CCDC171: variants seen among roughly 807,000 people sequenced by gnomAD.
CCDC171 encodes the protein coiled-coil domain containing 171, also known as coiled-coil domain-containing protein 171.
In CCDC171, 177 loss-of-function variants were observed where a neutral mutation model predicts 168.2. The ratio of observed to expected loss-of-function variants is 1.05; its 90% CI spans 0.93 to 1.19. CCDC171 has a LOEUF of 1.19. Among genes scored for constraint, CCDC171 ranks in the 50% most tolerant of loss-of-function variants. The probability of loss-of-function intolerance (pLI) is 0.00; values close to 1 mark genes in which losing one functional copy is unlikely to be tolerated. For missense variants in CCDC171, 1,991 were observed against 1,539.0 expected (o/e 1.29, Z -4.91); for synonymous variants, 687 against 540.8 (o/e 1.27, Z -3.75).
At chr9:16,023,299 G>A (rs1833211450) in intron 6 of CCDC171, among the ~76,000 whole-genome samples, 1 of 152,102 alleles carries the variant, frequency 6.6e-6, no homozygotes, top group Non-Finnish European at 1.5e-5. Context: ...AAATTTATCT[G>A]ACTTTGACTA....
chr9:15,758,970 G>A (rs947428152), intron 18 of CCDC171, among the ~76,000 whole-genome samples: 2 of 152,138 alleles, frequency 1.3e-5, no homozygotes, highest in Non-Finnish European at 2.9e-5. Flanking sequence ...TCAGCAGTGT[G>A]AAAACAGACT....
At chr9:15,812,565 AG>A (rs1031246280) in intron 21 of CCDC171, among the ~76,000 whole-genome samples, 10 of 152,340 alleles carry the variant, frequency 6.6e-5, no homozygotes, top group African/African-American at 2.2e-4. Flanking sequence ...GGCCACAAAA[AG>A]TTACTGTCCT....
the CCDC171 span, among the ~76,000 whole-genome samples, chr9:16,068,129 G>T: frequency 2.1e-5 from 3 of 143,526 alleles, no homozygotes; most frequent in Non-Finnish European, 3.0e-5. Flanking sequence ...CAAAATCAAT[G>T]TACAAAAATC....
At chr9:16,044,482 G>GA (rs33969500) in intron 1 of CCDC171, among the ~76,000 whole-genome samples, 60,548 of 146,080 alleles carry the variant, frequency 0.41, 13,753 homozygotes, top group East Asian at 0.74. Context: ...AACCACAGGA[G>GA]AAAAAAAAAG....
intron 9 of CCDC171, among the ~76,000 whole-genome samples, chr9:15,669,584 G>A (rs1213022986): frequency 6.6e-6 from 1 of 152,030 alleles, no homozygotes; most frequent in Non-Finnish European, 1.5e-5. Context: ...CCATCTAACT[G>A]TATTTTTGTA....
intron 21 of CCDC171, among the ~76,000 whole-genome samples, chr9:15,795,287 A>G (rs933869418): frequency 6.6e-6 from 1 of 152,190 alleles, no homozygotes; most frequent in Non-Finnish European, 1.5e-5. Context: ...ACTCACTCCC[A>G]TGATAACTTT....
At chr9:15,629,822 G>A (rs2045522757) in intron 7 of CCDC171, among the ~76,000 whole-genome samples, 1 of 152,178 alleles carries the variant, frequency 6.6e-6, no homozygotes, top group Non-Finnish European at 1.5e-5. Flanking sequence ...GACTAACAGT[G>A]GATCTCTCGG....
intron 24 of CCDC171, among the ~76,000 whole-genome samples, chr9:15,898,964 T>C (rs1563961790): frequency 6.6e-6 from 1 of 152,160 alleles, no homozygotes. Context: ...TATGGACATA[T>C]CACCCCCTGT....
chr9:16,001,516 T>A (rs1007851547), intron 3 of CCDC171, among the ~76,000 whole-genome samples: 1 of 152,052 alleles, frequency 6.6e-6, no homozygotes, highest in African/African-American at 2.4e-5. Context: ...GTAACCCAGA[T>A]TCAAAGGTTT....
intron 7 of CCDC171, among the ~76,000 whole-genome samples, chr9:15,635,547 C>T (rs2046134592): frequency 6.6e-6 from 1 of 152,160 alleles, no homozygotes; most frequent in Non-Finnish European, 1.5e-5. Context: ...GCCATGCTGG[C>T]AGCTGATTAG....
intron 5 of CCDC171, among the ~76,000 whole-genome samples, chr9:15,592,345 A>C (rs987871113): frequency 2.6e-5 from 4 of 151,972 alleles, no homozygotes; most frequent in Admixed American, 6.6e-5. Flanking sequence ...GTCTCCCCCC[A>C]AAAAAGCAAA....
At chr9:15,822,177 T>G (rs976261861) in intron 21 of CCDC171, among the ~76,000 whole-genome samples, 2 of 152,146 alleles carry the variant, frequency 1.3e-5, no homozygotes, top group African/African-American at 4.8e-5. Context: ...TATACAAAAA[T>G]TAATTCAAGA....
intron 6 of CCDC171, among the ~76,000 whole-genome samples, chr9:15,606,771 T>G (rs1414855960): frequency 2.0e-5 from 3 of 152,198 alleles, no homozygotes; most frequent in Non-Finnish European, 4.4e-5. Flanking sequence ...CAGCCAAATG[T>G]AGTTTCCTGT....
intron 11 of CCDC171, among the ~76,000 whole-genome samples, chr9:15,706,181 G>A (rs1458150407): frequency 6.6e-6 from 1 of 152,194 alleles, no homozygotes; most frequent in African/African-American, 2.4e-5. Context: ...TAGGATGTGT[G>A]TGGGGAAATC....
chr9:16,061,993 T>TA (rs1382588263), downstream of CCDC171, among the ~76,000 whole-genome samples: 1 of 152,148 alleles, frequency 6.6e-6, no homozygotes, highest in Non-Finnish European at 1.5e-5. Flanking sequence ...CAAAAATTTT[T>TA]AAAAATACCT....
the CCDC171 span, among the ~76,000 whole-genome samples, chr9:16,091,142 C>T: frequency 6.6e-6 from 1 of 152,162 alleles, no homozygotes; most frequent in African/African-American, 2.4e-5. Flanking sequence ...CCTGGAGCTG[C>T]CTGATTAGTC....
intron 3 of CCDC171, among the ~76,000 whole-genome samples, chr9:15,998,323 G>C (rs529121086): frequency 1.6e-4 from 24 of 152,284 alleles, no homozygotes; most frequent in Admixed American, 6.5e-5. Flanking sequence ...CTGTCACTCT[G>C]TTAGGCTGAC....
the CCDC171 span, among the ~76,000 whole-genome samples, chr9:16,107,617 A>G: frequency 6.6e-6 from 1 of 152,168 alleles, no homozygotes; most frequent in Admixed American, 6.5e-5. Flanking sequence ...ATACATACAC[A>G]TATGTAAACA....
intron 7 of CCDC171, among the ~76,000 whole-genome samples, chr9:15,634,822 C>T (rs1006920874): frequency 6.6e-6 from 1 of 152,178 alleles, no homozygotes; most frequent in African/African-American, 2.4e-5. Context: ...TTCCTCTCAT[C>T]CCTAAGCAAC....
Sources: gnomAD v4.1 joint callset for allele counts (sites outside exome capture counted in the v4.1 genomes callset) on GRCh38, gnomAD v4.1.1 for gene constraint, MANE v1.5 for transcripts, NCBI Gene and HGNC (gene_info 2026-07-23, HGNC 2026-07-21) for gene names.